The following MCMBP variants were observed in gnomAD, a reference collection of about 807,000 sequenced individuals.
The protein encoded by MCMBP is minichromosome maintenance complex binding protein.
MCMBP carries 31 observed loss-of-function variants against 81.3 expected under a neutral mutation model. The ratio of observed to expected loss-of-function variants is 0.38; its 90% CI spans 0.29 to 0.51. The LOEUF (loss-of-function observed/expected upper bound fraction) is 0.51. Among genes scored for constraint, MCMBP ranks in the 20% least tolerant of loss-of-function variants. The pLI is 0.87. For synonymous variants in MCMBP, 267 were observed against 275.9 expected (o/e 0.97, Z 0.32); for missense variants, 645 against 772.1 (o/e 0.84, Z 1.95).
intron 1 of MCMBP, among the ~76,000 whole-genome samples, chr10:119,869,203 T>C (rs964423473): frequency 2.6e-5 from 4 of 152,158 alleles, no homozygotes; most frequent in Non-Finnish European, 5.9e-5. Flanking sequence ...CCCAGCACTT[T>C]GAGAGGCCGA....
At chr10:119,853,267 A>G (rs1852897777) in intron 5 of MCMBP, 73 bp from the exon 6 acceptor site, 1 of 1,461,106 alleles carries the variant, frequency 6.8e-7, no homozygotes, top group South Asian at 1.4e-5. Context: ...TATATGACTT[A>G]TAAAAAATTA....
At chr10:119,870,135 A>G (rs1853617633) in intron 1 of MCMBP, among the ~76,000 whole-genome samples, 1 of 152,232 alleles carries the variant, frequency 6.6e-6, no homozygotes, top group African/African-American at 2.4e-5. Flanking sequence ...ATACTATATG[A>G]CAAGGACAGT....
At chr10:119,836,516 AT>A (rs1379369398) in intron 13 of MCMBP, among the ~76,000 whole-genome samples, 1 of 151,052 alleles carries the variant, frequency 6.6e-6, no homozygotes, top group Non-Finnish European at 1.5e-5. Flanking sequence ...GACCAAGGAC[AT>A]TTTAAAAGAA....
intron 8 of MCMBP, among the ~76,000 whole-genome samples, chr10:119,846,710 G>A (rs1439758223): frequency 2.0e-5 from 3 of 152,122 alleles, no homozygotes; most frequent in African/African-American, 7.2e-5. Flanking sequence ...AAAACATTGA[G>A]TCTAACCATG....
At chr10:119,873,233 C>T (rs1853779508), upstream of MCMBP, among the ~76,000 whole-genome samples, 1 of 152,226 alleles carries the variant, frequency 6.6e-6, no homozygotes. Context: ...ACCTCCTCTT[C>T]GTGCCTTTTT....
chr10:119,835,584 G>C lies in MCMBP; in HGVS notation c.1663C>G (p.Leu555Val). The C allele has an allele frequency of 6.2e-7, 1 of 1,614,174 alleles. No homozygotes were observed. Among genetic ancestry groups the C allele is most frequent in the Non-Finnish European group, 8.5e-7 (1 of 1,180,010 alleles). The part of the protein sequence containing the change: ...VLNKFRIYLT[L>V]LRFLEYSISD... ...ATGCTATATTCCAAGAATCTCAAAA[G>C]AGTTAGATAAATGCGGAATTTGTTC... Residue 555 changes from leucine (L) to valine (V), a missense_variant, in exon 14 of 16, where the codon CTT (leucine) becomes GTT (valine). Coordinates refer to ENST00000369077, the MANE Select transcript of MCMBP (RefSeq NM_001256378.2).
intron 9 of MCMBP, chr10:119,842,803 TG>T (rs1852481062): frequency 2.1e-6 from 1 of 477,120 alleles, no homozygotes; most frequent in Admixed American, 3.8e-5. Flanking sequence ...TTGCTCTTTT[TG>T]CCTAGCCTGG....
chr10:119,837,518 C>T (rs1852288134), intron 12 of MCMBP, among the ~76,000 whole-genome samples: 1 of 152,176 alleles, frequency 6.6e-6, no homozygotes, highest in Non-Finnish European at 1.5e-5. Flanking sequence ...AATCTGCTTT[C>T]TTGTGATTTT....
At chr10:119,841,480 C>A (rs1260775402) in intron 10 of MCMBP, among the ~76,000 whole-genome samples, 1 of 152,198 alleles carries the variant, frequency 6.6e-6, no homozygotes, top group African/African-American at 2.4e-5. Flanking sequence ...CAGTATGGTA[C>A]AACTGCATAG....
chr10:119,841,282 C>T (rs1364350821), intron 10 of MCMBP, among the ~76,000 whole-genome samples: 1 of 152,206 alleles, frequency 6.6e-6, no homozygotes, highest in Non-Finnish European at 1.5e-5. Flanking sequence ...ACATGTTCAT[C>T]TAAATGGAAG....
chr10:119,857,412 G>C lies in MCMBP; in HGVS notation c.355C>G (p.Pro119Ala). Residue 119 changes from proline to alanine, a missense_variant, in exon 5 of 16, where the codon CCA becomes GCA. By Grantham distance (27) the Pro-to-Ala change is conservative. Transcript: ENST00000369077. The part of the protein sequence containing the change: ...GPQQELDLNS[P>A]RNTTLERQTF... ...TGTCTTTCCAAAGTGGTATTTCGTG[G>C]AGAGTTTAAATCAAGTTCTTGTTGA... 2.5e-6 allele frequency: 4 copies of C among 1,610,702 alleles called. No individual in the cohort carries two copies. The highest frequency in any genetic ancestry group is 2.5e-6 in the Non-Finnish European group (3 of 1,177,622).
At position 119,858,899 on chromosome 10, in the gene MCMBP, A is replaced by G. The variant is rs761396122; in HGVS notation, c.312T>C (p.Asp104=). The G allele has an allele frequency of 8.7e-6, 14 of 1,610,652 alleles. No homozygotes were observed. The highest frequency in any genetic ancestry group is 1.7e-5 in the Admixed American group (1 of 59,768). The change falls in exon 4 of 16, where the codon GAT becomes GAC. Residue 104 remains aspartate, a synonymous_variant. Coordinates refer to ENST00000369077, the MANE Select transcript of MCMBP (RefSeq NM_001256378.2). ...AGATACATACCCCACACTCTGCTAC[A>G]TCTCTATATTTTCCAAAATGAAGAA... ...AHVLHFGKYR[D]VAECGPQQEL...
intron 9 of MCMBP, 44 bp downstream of exon 9, chr10:119,843,210 G>A (rs1443900835): frequency 1.2e-6 from 2 of 1,609,096 alleles, no homozygotes; most frequent in Admixed American, 3.3e-5. Context: ...GACACACTGA[G>A]GCTAACAGTC....
chr10:119,873,058 G>A (rs1853769982), upstream of MCMBP, among the ~76,000 whole-genome samples: 2 of 151,896 alleles, frequency 1.3e-5, no homozygotes, highest in African/African-American at 4.8e-5. Flanking sequence ...CAAGGGCGGC[G>A]CGTTGTCGTT....
At chr10:119,871,038 T>C (rs1378536517) in intron 1 of MCMBP, among the ~76,000 whole-genome samples, 1 of 152,226 alleles carries the variant, frequency 6.6e-6, no homozygotes, top group African/African-American at 2.4e-5. Context: ...TATGAAATCA[T>C]CTCATTTATC....
At chr10:119,832,847 A>C (rs530238526) in intron 14 of MCMBP, among the ~76,000 whole-genome samples, 2 of 152,344 alleles carry the variant, frequency 1.3e-5, no homozygotes, top group East Asian at 3.9e-4. Context: ...CAGCTGCGGC[A>C]GACAGACTAA....
At chr10:119,859,267 C>A in intron 2 of MCMBP, 86 bp from the exon 3 acceptor site, 1 of 1,119,994 alleles carries the variant, frequency 8.9e-7, no homozygotes, top group Non-Finnish European at 1.3e-6. Flanking sequence ...TATCCAGACT[C>A]AAACTGTTAC....
At chr10:119,834,515 TAAAC>T (rs1852164461) in intron 14 of MCMBP, among the ~76,000 whole-genome samples, 1 of 151,866 alleles carries the variant, frequency 6.6e-6, no homozygotes, top group Admixed American at 6.6e-5. Context: ...CATTCCCAGA[TAAAC>T]AAAAACTTAA....
intron 4 of MCMBP, chr10:119,858,140 A>G (rs773572441): frequency 1.3e-5 from 2 of 152,178 alleles, no homozygotes; most frequent in African/African-American, 4.8e-5. Context: ...AATATATTAC[A>G]TTACTGTATA....
Sources: allele counts gnomAD v4.1 joint callset (sites outside exome capture counted in the v4.1 genomes callset), GRCh38; gene constraint gnomAD v4.1.1; transcripts MANE v1.5; gene names NCBI Gene and HGNC (gene_info 2026-07-23, HGNC 2026-07-21).